The following SPATA13 variants were observed in gnomAD, a reference collection of about 807,000 sequenced individuals.
SPATA13 encodes spermatogenesis associated 13.
In SPATA13, 50 loss-of-function variants were observed where a neutral mutation model predicts 104.0. The observed-to-expected ratio is 0.48, with a 90% CI of 0.38 to 0.61. The LOEUF is 0.61. Among genes scored for constraint, SPATA13 ranks in the 20% least tolerant of loss-of-function variants. The pLI is 0.00. For synonymous variants in SPATA13, 606 were observed against 667.5 expected, an observed-to-expected ratio of 0.91 and a Z score of 1.42; for missense variants, 1,524 against 1,690.6, an observed-to-expected ratio of 0.90 and a Z score of 1.73.
intron 3 of SPATA13, among the ~76,000 whole-genome samples, chr13:24,041,488 C>T (rs6490855): frequency 0.94 from 143,681 of 152,316 alleles, 68,213 homozygotes; most frequent in Non-Finnish European, 1. Flanking sequence ...CGTCATATAA[C>T]AGATAAAGCT....
intron 4 of SPATA13, chr13:24,278,519 C>T (rs916266830): frequency 2.6e-6 from 2 of 764,100 alleles, no homozygotes; most frequent in African/African-American, 3.7e-5. Flanking sequence ...CTCAAGGGAT[C>T]CTCCTGCCTC....
chr13:24,162,546 C>T (rs1566127245), intron 1 of SPATA13: 1 of 155,710 alleles, frequency 6.4e-6, no homozygotes, highest in Admixed American at 6.5e-5. Context: ...TCCCTTCTGC[C>T]ACTGCTTCTG....
At chr13:24,237,877 T>TAAAC in intron 2 of SPATA13, among the ~76,000 whole-genome samples, 2 of 147,998 alleles carry the variant, frequency 1.4e-5, no homozygotes, top group African/African-American at 4.9e-5. Flanking sequence ...ATATAATATA[T>TAAAC]ATCATTTATA....
chr13:24,217,497 G>A lies in SPATA13; in HGVS notation c.-111-5322G>A, dbSNP rs149741771. Among the ~76,000 whole-genome samples the A allele has an allele frequency of 8.3e-3, 1,266 of 152,308 alleles. 24 individuals carry two copies. The East Asian group carries it at 0.084, about 10-fold the overall frequency. On this transcript the variant is annotated intron_variant, in intron 1 of 12. Transcript: ENST00000382108. ...AACAGACACATGCTGAGAACACAGTGAAATAAGACAAGGCTTCTGCCTATA... is the reference window on the plus strand; with the variant it reads ...AACAGACACATGCTGAGAACACAGTAAAATAAGACAAGGCTTCTGCCTATA...
At chr13:24,056,999 TTTTC>T (rs1331584423) in intron 3 of SPATA13, among the ~76,000 whole-genome samples, 16 of 26,342 alleles carry the variant, frequency 6.1e-4, no homozygotes, top group African/African-American at 6.7e-4. Context: ...TCTGTGGCTG[TTTTC>T]TTTCTCTCTC....
At chr13:24,242,164 A>G (rs952826497) in intron 2 of SPATA13, among the ~76,000 whole-genome samples, 5 of 152,234 alleles carry the variant, frequency 3.3e-5, no homozygotes, top group African/African-American at 1.2e-4. Context: ...ACTTGGTTCC[A>G]TAGACGGCCA....
intron 1 of SPATA13, among the ~76,000 whole-genome samples, chr13:24,196,167 T>A (rs1453569269): frequency 1.3e-5 from 2 of 152,170 alleles, no homozygotes; most frequent in Non-Finnish European, 2.9e-5. Flanking sequence ...CTTCATATGT[T>A]ACCCAAATTT....
intron 1 of SPATA13, among the ~76,000 whole-genome samples, chr13:23,980,645 G>T (rs944024277): frequency 7.2e-5 from 11 of 152,114 alleles, no homozygotes; most frequent in Non-Finnish European, 1.3e-4. Flanking sequence ...CAGGTTGGAG[G>T]GCAGTGGCGG....
intron 2 of SPATA13, among the ~76,000 whole-genome samples, chr13:24,004,644 C>T (rs1876139119): frequency 6.6e-6 from 1 of 152,162 alleles, no homozygotes; most frequent in South Asian, 2.1e-4. Context: ...CAGGTGTGGT[C>T]AGCACAGTGC....
intron 3 of SPATA13, among the ~76,000 whole-genome samples, chr13:24,058,706 A>G (rs1399586802): frequency 6.6e-6 from 1 of 151,914 alleles, no homozygotes; most frequent in Non-Finnish European, 1.5e-5. Context: ...ATCAGTGAAT[A>G]ATCGCTAACT....
chr13:24,179,597 G>GC (rs11412529), intron 1 of SPATA13, among the ~76,000 whole-genome samples: 104,510 of 152,026 alleles, frequency 0.69, 37,671 homozygotes, highest in Non-Finnish European at 0.82. Context: ...CAGATTAAAT[G>GC]CAAGTCCCTA....
In SPATA13 at chr13:24,306,126, A is replaced by G. The variant is rs1238617918; in HGVS notation, c.*3353A>G. The G allele has an allele frequency of 6.6e-6, 1 of 152,208 alleles. No homozygotes were observed. Among genetic ancestry groups the G allele is most frequent in the African/African-American group, 2.4e-5 (1 of 41,440 alleles). 9.4% of individuals were successfully genotyped at this position (152,208 alleles called of 1,614,324 possible). ...CCTTTTTATACCTAGCCTAGATGAA[A>G]ACCGATGCCATTCTTATTCAGAAAA... On this transcript the variant is annotated 3_prime_UTR_variant, in exon 13 of 13. Transcript: ENST00000382108.
chr13:24,189,494 C>T (rs61946654), intron 1 of SPATA13, among the ~76,000 whole-genome samples: 1,056 of 12,002 alleles, frequency 0.088, 20 homozygotes, highest in South Asian at 0.34. Context: ...TATATATATA[C>T]GTGTATATAT....
intron 2 of SPATA13, among the ~76,000 whole-genome samples, chr13:24,225,146 T>A (rs1871857533): frequency 6.6e-6 from 1 of 152,234 alleles, no homozygotes; most frequent in Non-Finnish European, 1.5e-5. Context: ...CCCAGCAGGC[T>A]GCATTCGGCT....
chr13:24,207,003 A>T (rs1870738839), intron 1 of SPATA13, among the ~76,000 whole-genome samples: 1 of 152,232 alleles, frequency 6.6e-6, no homozygotes, highest in Admixed American at 6.5e-5. Flanking sequence ...GATAAAGAAA[A>T]GTGGTATGTA....
At chr13:24,037,648 T>A (rs902319004) in intron 3 of SPATA13, among the ~76,000 whole-genome samples, 1 of 152,066 alleles carries the variant, frequency 6.6e-6, no homozygotes, top group Non-Finnish European at 1.5e-5. Flanking sequence ...GACCTCGTGA[T>A]CCACCTGCCT....
intron 1 of SPATA13, among the ~76,000 whole-genome samples, chr13:23,983,258 T>C (rs1049157867): frequency 1.3e-5 from 2 of 152,186 alleles, no homozygotes; most frequent in African/African-American, 4.8e-5. Context: ...CCGCGCTCCT[T>C]GGCTCACAAA....
intron 3 of SPATA13, among the ~76,000 whole-genome samples, chr13:24,024,571 C>T (rs1010230677): frequency 1.3e-5 from 2 of 151,998 alleles, no homozygotes; most frequent in East Asian, 1.9e-4. Context: ...CCACACAGCA[C>T]GGTTCTACAG....
At position 24,303,314 on chromosome 13, in the gene SPATA13, G is replaced by A. The variant is rs530895366; in HGVS notation, c.*541G>A. 3.2e-5 allele frequency: 11 copies of A among 342,076 alleles called. No individual in the cohort carries two copies. The highest frequency in any genetic ancestry group is 9.2e-5 in the South Asian group (4 of 43,668). 21.2% of individuals were successfully genotyped at this position (342,076 alleles called of 1,614,324 possible). A position where few individuals can be genotyped will look rare whatever the true frequency, so the allele number is the denominator to read the frequency against. On this transcript the variant is annotated 3_prime_UTR_variant, in exon 13 of 13. Coordinates refer to ENST00000382108, the MANE Select transcript of SPATA13 (RefSeq NM_001166271.3). ...CTACAGCTGCCGTGGGGCTGACCAC[G>A]GTGTTCCCTGGCATCGTCTGTGTCC...
Sources: gnomAD v4.1 joint callset for allele counts (sites outside exome capture counted in the v4.1 genomes callset) on GRCh38, gnomAD v4.1.1 for gene constraint, MANE v1.5 for transcripts, NCBI Gene and HGNC (gene_info 2026-07-23, HGNC 2026-07-21) for gene names.